Variants in UNC80 observed in about 807,000 individuals in gnomAD.
The protein encoded by UNC80 is unc-80 subunit of NALCN channel complex, also known as protein unc-80 homolog.
UNC80 carries 164 observed loss-of-function variants against 384.6 expected under a neutral mutation model. The ratio of observed to expected loss-of-function variants is 0.43; its 90% CI spans 0.38 to 0.49. The LOEUF (loss-of-function observed/expected upper bound fraction) is 0.49, where lower values mean the gene tolerates loss of function less well. UNC80 is among the 20% of genes least tolerant of loss of function. The pLI is 0.00. For missense variants in UNC80, 3,330 were observed against 4,143.0 expected, an observed-to-expected ratio of 0.80 and a Z score of 5.39; for synonymous variants, 1,486 against 1,527.8, an observed-to-expected ratio of 0.97 and a Z score of 0.64.
chr2:209,816,968 C>A lies in UNC80; in HGVS notation c.1395C>A (p.Gly465=), dbSNP rs1427296005. The A allele has an allele frequency of 6.4e-7, 1 of 1,551,698 alleles. No individual in the cohort carries two copies. The change falls in exon 10 of 65, where the codon GGC becomes GGA. Residue 465 remains glycine (G), a synonymous_variant. Transcript: ENST00000673920. ...GCTCCATTCCATTCCACCACACAGG[C>A]AAGAGGAGGCCACGGAGAATGGGAG... ...RKGSIPFHHT[G]KRRPRRMGVP... is the part of the protein sequence containing the mutation.
intron 22 of UNC80, among the ~76,000 whole-genome samples, chr2:209,871,414 A>T (rs1327138075): frequency 6.6e-6 from 1 of 152,150 alleles, no homozygotes; most frequent in Non-Finnish European, 1.5e-5. Flanking sequence ...GATCACAGGG[A>T]TGTTATATAT....
chr2:209,772,782 C>T (rs578186790), intron 1 of UNC80, among the ~76,000 whole-genome samples: 1 of 152,230 alleles, frequency 6.6e-6, no homozygotes, highest in Non-Finnish European at 1.5e-5. Context: ...GTTCAATTTT[C>T]AGTTTTTATT....
intron 48 of UNC80, among the ~76,000 whole-genome samples, chr2:209,955,062 C>T (rs2092348373): frequency 6.6e-6 from 1 of 152,112 alleles, no homozygotes; most frequent in Admixed American, 6.5e-5. Flanking sequence ...TGCTCTGTTC[C>T]CATCTAAATT....
intron 47 of UNC80, 40 bp downstream of exon 47, chr2:209,945,983 A>G (rs1159762613): frequency 2.2e-6 from 3 of 1,336,066 alleles, no homozygotes; most frequent in East Asian, 5.0e-5. Flanking sequence ...TGATAAGTAA[A>G]TATGGCAGAG....
intron 22 of UNC80, among the ~76,000 whole-genome samples, chr2:209,866,164 G>A (rs567757790): frequency 4.0e-5 from 6 of 151,856 alleles, no homozygotes; most frequent in African/African-American, 7.2e-5. Context: ...ATATTGTGTC[G>A]TTCACATTTT....
At chr2:209,864,980 G>C (rs1483146831) in intron 22 of UNC80, among the ~76,000 whole-genome samples, 1 of 152,178 alleles carries the variant, frequency 6.6e-6, no homozygotes, top group Non-Finnish European at 1.5e-5. Flanking sequence ...GCGTGAGTTC[G>C]TGAGGGGCAT....
At chr2:209,888,397 G>A in intron 26 of UNC80, 137 bp downstream of exon 26, 3 of 956,244 alleles carry the variant, frequency 3.1e-6, no homozygotes, top group Non-Finnish European at 4.6e-6. Flanking sequence ...GCTTTATGAT[G>A]GAAAATCATG....
At chr2:209,889,215 G>T (rs529220178) in intron 26 of UNC80, among the ~76,000 whole-genome samples, 1 of 152,134 alleles carries the variant, frequency 6.6e-6, no homozygotes, top group African/African-American at 2.4e-5. Context: ...CAGCCTACAG[G>T]TTGCTTGTAA....
chr2:209,801,803 A>G (rs1443533690), intron 7 of UNC80, among the ~76,000 whole-genome samples: 1 of 151,828 alleles, frequency 6.6e-6, no homozygotes, highest in African/African-American at 2.4e-5. Context: ...TGTTTTTGAA[A>G]GATTTCTTAG....
At chr2:209,968,795 A>G (rs191645826) in intron 52 of UNC80, 11 of 152,340 alleles carry the variant, frequency 7.2e-5, no homozygotes, top group Admixed American at 4.6e-4. Flanking sequence ...TGACCCATTT[A>G]TGCTTCCCGA....
chr2:209,959,305 A>T (rs935559784), intron 50 of UNC80, among the ~76,000 whole-genome samples, 151 bp downstream of exon 50: 1 of 152,192 alleles, frequency 6.6e-6, no homozygotes. Context: ...ACAGTTTGGG[A>T]TGACAGTCTC....
chr2:209,813,761 G>C lies in UNC80; in HGVS notation c.1120G>C (p.Asp374His). 6.4e-7 allele frequency: 1 copy of C among 1,551,954 alleles called. No homozygotes were observed. Among genetic ancestry groups the C allele is most frequent in the South Asian group, 1.2e-5 (1 of 84,054 alleles). Residue 374 changes from aspartate (D) to histidine (H), a missense_variant, in exon 8 of 65, where the codon GAT becomes CAT. Asp to His is a moderately conservative substitution (Grantham distance 81). Around this residue, in one of 8 missense-constraint regions of UNC80, gnomAD observed 937 missense variants for 1,026.8 expected, o/e 0.91. Coordinates refer to ENST00000673920, the MANE Select transcript of UNC80 (RefSeq NM_001371986.1). ...EEKPEKPPEP[D>H]IPLLPRPRSS... The stretch of plus-strand genomic sequence containing the variant: ...GAAGCCAGAAAAGCCTCCGGAGCCA[G>C]ATATTCCTCTCCTGCCCAGACCCAG...
At chr2:209,782,337 T>C (rs528489364) in intron 4 of UNC80, among the ~76,000 whole-genome samples, 2 of 152,318 alleles carry the variant, frequency 1.3e-5, no homozygotes, top group South Asian at 4.1e-4. Flanking sequence ...CATAACATAC[T>C]TTTTTTCAGA....
At position 209,771,846 on chromosome 2, in the gene UNC80, C is replaced by T. The variant is rs970596044; in HGVS notation, c.-227C>T. The T allele has an allele frequency of 1.7e-5, 9 of 541,472 alleles. No homozygotes were observed. Among genetic ancestry groups the T allele is most frequent in the South Asian group, 2.1e-5 (1 of 48,496 alleles). The allele number at this position is 541,472 out of a possible 1,614,324, so 33.5% of individuals were successfully genotyped here. A position where few individuals can be genotyped will look rare whatever the true frequency, so the allele number is the denominator to read the frequency against. On this transcript the variant is annotated 5_prime_UTR_variant, in exon 1 of 65. Coordinates refer to ENST00000673920, the MANE Select transcript of UNC80 (RefSeq NM_001371986.1). Reference sequence around the variant, plus strand: ...GGCGGACCGCTGCTCCGAGCGCCCCCCTCCTCGCTCCGCGGCTCCTCCAGC... The same window carrying T: ...GGCGGACCGCTGCTCCGAGCGCCCCTCTCCTCGCTCCGCGGCTCCTCCAGC...
chr2:209,900,393 A>C (rs1434115217), intron 28 of UNC80, among the ~76,000 whole-genome samples: 1 of 152,148 alleles, frequency 6.6e-6, no homozygotes, highest in Admixed American at 6.6e-5. Context: ...ATCTGTGATC[A>C]GTGATCCTTG....
chr2:209,972,198 C>T lies in UNC80; in HGVS notation c.8257-3C>T, dbSNP rs1474658736. Reference sequence around the variant, plus strand: ...AATCTTTTCTTCTATTATTGCTGCACAGGCTTTAAAAGAAGATTTTCCTTT... The same window carrying T: ...AATCTTTTCTTCTATTATTGCTGCATAGGCTTTAAAAGAAGATTTTCCTTT... On this transcript the variant is annotated splice_polypyrimidine_tract_variant and splice_region_variant and intron_variant, in intron 54 of 64. Coordinates refer to ENST00000673920, the MANE Select transcript of UNC80 (RefSeq NM_001371986.1). The T allele has an allele frequency of 1.3e-6, 2 of 1,550,354 alleles. No individual in the cohort carries two copies. Among genetic ancestry groups the T allele is most frequent in the Admixed American group, 2.0e-5 (1 of 50,852 alleles).
Position 209,995,739 on chromosome 2 carries a change from C to A in UNC80, c.*144C>A. 1 of 921,440 alleles carries A rather than the reference C, an allele frequency of 1.1e-6. No individual in the cohort carries two copies. Among genetic ancestry groups the A allele is most frequent in the Non-Finnish European group, 1.6e-6 (1 of 626,084 alleles). 57.1% of individuals were successfully genotyped at this position (921,440 alleles called of 1,614,324 possible). ...GTGGCACAAATCTGAATAGGTTTTG[C>A]TGCCAATACACATGATGTTTCATAA... On this transcript the variant is annotated 3_prime_UTR_variant, in exon 65 of 65. Transcript: ENST00000673920.
At chr2:209,883,173 C>T (rs2085453427) in intron 25 of UNC80, among the ~76,000 whole-genome samples, 1 of 152,146 alleles carries the variant, frequency 6.6e-6, no homozygotes, top group Non-Finnish European at 1.5e-5. Context: ...CACATTCTAA[C>T]TTATTGAAAT....
chr2:209,874,226 C>A (rs1296920575), intron 23 of UNC80, among the ~76,000 whole-genome samples: 1 of 152,086 alleles, frequency 6.6e-6, no homozygotes, highest in Non-Finnish European at 1.5e-5. Flanking sequence ...ACAAGTCAAG[C>A]AGTGTCAATG....
Sources: gnomAD v4.1 joint callset for allele counts (sites outside exome capture counted in the v4.1 genomes callset) on GRCh38, gnomAD v4.1.1 for gene constraint, gnomAD v4.1.1 regional missense constraint, MANE v1.5 for transcripts, NCBI Gene and HGNC (gene_info 2026-07-23, HGNC 2026-07-21) for gene names.